Variants in FAM171A1 observed in about 807,000 individuals in gnomAD.
The protein encoded by FAM171A1 is family with sequence similarity 171 member A1, also known as protein FAM171A1.
In FAM171A1, 23 loss-of-function variants were observed where a neutral mutation model predicts 74.9. The observed-to-expected ratio is 0.31, with a 90% CI of 0.22 to 0.44. The LOEUF (loss-of-function observed/expected upper bound fraction) is 0.44, where lower values mean the gene tolerates loss of function less well. Among genes scored for constraint, FAM171A1 ranks in the 20% least tolerant of loss-of-function variants. The pLI, the probability that FAM171A1 is intolerant of heterozygous loss-of-function variation, is 1.00. For synonymous variants in FAM171A1, 527 were observed against 505.7 expected, an observed-to-expected ratio of 1.04 and a Z score of -0.57; for missense variants, 1,162 against 1,159.2, an observed-to-expected ratio of 1.00 and a Z score of -0.03.
chr10:15,308,953 A>C (rs1016684443), intron 1 of FAM171A1, among the ~76,000 whole-genome samples: 60 of 152,276 alleles, frequency 3.9e-4, no homozygotes, highest in African/African-American at 1.4e-3. Flanking sequence ...GACGTGAGCC[A>C]CTGCAGCCGG....
chr10:15,264,423 TA>T (rs939716786), intron 3 of FAM171A1, among the ~76,000 whole-genome samples: 20 of 151,396 alleles, frequency 1.3e-4, no homozygotes, highest in African/African-American at 4.4e-4. Flanking sequence ...CTGAATCAAT[TA>T]AAAAAAAATG....
Position 15,213,449 on chromosome 10 carries a change from A to C in FAM171A1, c.2139T>G (p.Asp713Glu). The C allele has an allele frequency of 6.2e-7, 1 of 1,614,188 alleles. No individual in the cohort carries two copies. The highest frequency in any genetic ancestry group is 8.5e-7 in the Non-Finnish European group (1 of 1,180,052). ...GTCTAACGTGAGCGTTGGACCTGCCATCCAAGGAGACGAACCACGCCCGGG... is the reference window on the plus strand; with the variant it reads ...GTCTAACGTGAGCGTTGGACCTGCCCTCCAAGGAGACGAACCACGCCCGGG... ...PHPRAWFVSL[D>E]GRSNAHVRHS... The change falls in exon 8 of 8, where the codon GAT (aspartate) becomes GAG (glutamate). Residue 713 changes from aspartate (D) to glutamate (E), a missense_variant. Asp to Glu is a conservative substitution (Grantham distance 45, BLOSUM62 2). Coordinates refer to ENST00000378116, the MANE Select transcript of FAM171A1 (RefSeq NM_001010924.2). This position sits in a 1 kb window ranked among gnomAD's most constrained non-coding sequence, Gnocchi z 6.8.
chr10:15,290,489 C>T (rs1032862656), intron 1 of FAM171A1, among the ~76,000 whole-genome samples: 1 of 152,226 alleles, frequency 6.6e-6, no homozygotes, highest in Non-Finnish European at 1.5e-5. Context: ...GCTCTCCAGA[C>T]ACATGGTCTC....
chr10:15,238,796 ACT>A (rs1164205185), intron 5 of FAM171A1, among the ~76,000 whole-genome samples: 1 of 151,818 alleles, frequency 6.6e-6, no homozygotes, highest in Non-Finnish European at 1.5e-5. Context: ...ACCCCCACAC[ACT>A]CTCAGGCTGT....
At chr10:15,364,432 C>T (rs1457531726) in intron 1 of FAM171A1, among the ~76,000 whole-genome samples, 1 of 152,116 alleles carries the variant, frequency 6.6e-6, no homozygotes, top group East Asian at 1.9e-4. Flanking sequence ...TCTGGTAAAC[C>T]GATGCAAAAA....
At chr10:15,305,957 T>G (rs1170573247) in intron 1 of FAM171A1, among the ~76,000 whole-genome samples, 1 of 152,018 alleles carries the variant, frequency 6.6e-6, no homozygotes, top group Non-Finnish European at 1.5e-5. Flanking sequence ...GCGAGGAGGG[T>G]GGCCTGGACA....
chr10:15,219,862 G>A (rs1370481319), intron 6 of FAM171A1, among the ~76,000 whole-genome samples: 1 of 152,224 alleles, frequency 6.6e-6, no homozygotes, highest in Non-Finnish European at 1.5e-5. Flanking sequence ...TTACAGGCGT[G>A]AGCCACCGCG....
chr10:15,214,376 C>A lies in FAM171A1; in HGVS notation c.1212G>T (p.Pro404=). The A allele has an allele frequency of 6.2e-7, 1 of 1,613,210 alleles. No individual in the cohort carries two copies. Among genetic ancestry groups the A allele is most frequent in the South Asian group, 1.1e-5 (1 of 90,960 alleles). The part of the protein sequence containing the change: ...MSGVHLEMMS[P]GGEGDLHTPM... ...GGGTGTGCAGGTCCCCTTCGCCGCC[C>A]GGAGACATCATTTCCAAATGGACTC... is the stretch of plus-strand genomic sequence containing the variant. Residue 404 remains proline, a synonymous_variant, in exon 8 of 8, where the codon CCG becomes CCT. Coordinates refer to ENST00000378116, the MANE Select transcript of FAM171A1 (RefSeq NM_001010924.2).
At chr10:15,334,915 T>G (rs1835682785) in intron 1 of FAM171A1, among the ~76,000 whole-genome samples, 1 of 152,166 alleles carries the variant, frequency 6.6e-6, no homozygotes, top group Non-Finnish European at 1.5e-5. Flanking sequence ...GCCTTCCAAG[T>G]TGCAACAGAA....
chr10:15,225,660 C>T (rs1199491590), intron 5 of FAM171A1, among the ~76,000 whole-genome samples: 1 of 152,176 alleles, frequency 6.6e-6, no homozygotes, highest in Admixed American at 6.5e-5. Context: ...ACACAGGCCT[C>T]TGCAAAGTCT....
At chr10:15,263,871 CTAT>C (rs1834700521) in intron 3 of FAM171A1, among the ~76,000 whole-genome samples, 1 of 147,486 alleles carries the variant, frequency 6.8e-6, no homozygotes, top group Non-Finnish European at 1.5e-5. Context: ...ATCTATCTAT[CTAT>C]CTATCTATCT....
intron 1 of FAM171A1, among the ~76,000 whole-genome samples, chr10:15,347,017 C>T (rs1391028746): frequency 6.6e-6 from 1 of 152,114 alleles, no homozygotes; most frequent in Non-Finnish European, 1.5e-5. Flanking sequence ...GCTACGTCAA[C>T]TGTAGTAAAA....
At chr10:15,215,885 C>T in intron 7 of FAM171A1, 111 bp downstream of exon 7, 1 of 634,686 alleles carries the variant, frequency 1.6e-6, no homozygotes, top group Non-Finnish European at 2.6e-6. Context: ...AAAAGTACTT[C>T]AATTTAGAAA....
chr10:15,263,097 G>C (rs1834682738), intron 3 of FAM171A1, among the ~76,000 whole-genome samples: 1 of 152,218 alleles, frequency 6.6e-6, no homozygotes, highest in South Asian at 2.1e-4. Context: ...GCAGAGGATG[G>C]AGACCACTGA....
chr10:15,365,783 G>A (rs1000059562), intron 1 of FAM171A1, among the ~76,000 whole-genome samples: 12 of 150,546 alleles, frequency 8.0e-5, no homozygotes, highest in African/African-American at 2.9e-4. Context: ...AAAAAAAAGA[G>A]AGAGAAATGC....
chr10:15,261,526 C>T (rs1834656920), intron 3 of FAM171A1, among the ~76,000 whole-genome samples: 1 of 152,140 alleles, frequency 6.6e-6, no homozygotes, highest in Admixed American at 6.5e-5. Context: ...AGAAGGCAGT[C>T]ATGGAAACGG....
At chr10:15,335,856 G>C (rs1008246616) in intron 1 of FAM171A1, among the ~76,000 whole-genome samples, 4 of 152,314 alleles carry the variant, frequency 2.6e-5, no homozygotes, top group Non-Finnish European at 5.9e-5. Flanking sequence ...AAAAGGGAAA[G>C]AGGAAGTAGG....
intron 1 of FAM171A1, among the ~76,000 whole-genome samples, chr10:15,290,838 A>G (rs1268330353): frequency 1.3e-5 from 2 of 151,966 alleles, no homozygotes; most frequent in African/African-American, 4.8e-5. Flanking sequence ...CCACGGAGAG[A>G]GCTTTGTGCA....
intron 3 of FAM171A1, among the ~76,000 whole-genome samples, chr10:15,264,831 T>C (rs1166900939): frequency 6.7e-6 from 1 of 149,026 alleles, no homozygotes; most frequent in Non-Finnish European, 1.5e-5. Flanking sequence ...AGACCACTAT[T>C]TATTTATCTA....
Sources: allele counts gnomAD v4.1 joint callset (sites outside exome capture counted in the v4.1 genomes callset), GRCh38; gene constraint gnomAD v4.1.1; non-coding constraint Gnocchi (gnomAD v3.1); transcripts MANE v1.5; gene names NCBI Gene and HGNC (gene_info 2026-07-23, HGNC 2026-07-21).